Variants in DLG1 observed in about 807,000 individuals in gnomAD.
The protein encoded by DLG1 is disks large homolog 1.
DLG1 carries 42 observed loss-of-function variants against 123.4 expected under a neutral mutation model. That is an observed-to-expected ratio of 0.34 (90% CI 0.27 to 0.44). The LOEUF is 0.44. Ranked by LOEUF, DLG1 falls within the 20% of genes least tolerant of loss-of-function variation. The pLI is 1.00. For missense variants in DLG1, 942 were observed against 1,082.6 expected (o/e 0.87, Z 1.82); for synonymous variants, 317 against 356.2 (o/e 0.89, Z 1.24).
Position 197,156,767 on chromosome 3 carries a change from C to T in DLG1, c.484-6971G>A, listed in dbSNP as rs1039159222. Reference sequence around the variant, plus strand: ...GGAATGTAACAATTACAAAAATTAACGCACCTAATAGCAGACCATCAAAAT... The same window carrying T: ...GGAATGTAACAATTACAAAAATTAATGCACCTAATAGCAGACCATCAAAAT... On this transcript the variant is annotated intron_variant, in intron 5 of 24. Transcript: ENST00000667157. Among the ~76,000 whole-genome samples the T allele has an allele frequency of 3.9e-5, 6 of 152,064 alleles. No homozygotes were observed. The South Asian group carries it at 6.2e-4, about 16-fold the overall frequency.
intron 4 of DLG1, among the ~76,000 whole-genome samples, chr3:197,242,557 A>G (rs567521982): frequency 7.8e-6 from 1 of 127,682 alleles, no homozygotes; most frequent in Non-Finnish European, 1.7e-5. Context: ...CTGAACAAAT[A>G]AAAAAAAAAA....
At chr3:197,126,485 T>C (rs796305476) in intron 11 of DLG1, among the ~76,000 whole-genome samples, 32 of 151,108 alleles carry the variant, frequency 2.1e-4, no homozygotes, top group African/African-American at 7.3e-4. Context: ...AAAAACAACA[T>C]AATCATAATC....
intron 15 of DLG1, among the ~76,000 whole-genome samples, chr3:197,088,698 CA>C (rs746120042): frequency 3.9e-5 from 6 of 152,210 alleles, no homozygotes; most frequent in Non-Finnish European, 2.9e-5. Context: ...CCTGAACTAT[CA>C]GACCGTATGT....
chr3:197,126,949 A>C (rs1779418803), intron 11 of DLG1, among the ~76,000 whole-genome samples: 1 of 152,170 alleles, frequency 6.6e-6, no homozygotes, highest in Non-Finnish European at 1.5e-5. Flanking sequence ...AAAATTCTAC[A>C]ATTTAAAAAA....
At chr3:197,087,784 T>C (rs1755287921) in intron 15 of DLG1, among the ~76,000 whole-genome samples, 1 of 152,176 alleles carries the variant, frequency 6.6e-6, no homozygotes, top group Admixed American at 6.5e-5. Context: ...TGTACAGTAG[T>C]ACCAAGGTAG....
At chr3:197,085,450 C>T in intron 16 of DLG1, 130 bp downstream of exon 16, 2 of 897,850 alleles carry the variant, frequency 2.2e-6, no homozygotes, top group Admixed American at 4.5e-5. Context: ...TTTTGTCTTT[C>T]TGTGTCTGGC....
chr3:197,073,701 G>C (rs891871806), intron 18 of DLG1, among the ~76,000 whole-genome samples: 2 of 152,098 alleles, frequency 1.3e-5, no homozygotes, highest in African/African-American at 4.8e-5. Flanking sequence ...AATGAATTCA[G>C]GTCTACACAA....
intron 1 of DLG1, chr3:197,298,209 G>A: frequency 1.0e-5 from 3 of 299,408 alleles, no homozygotes; most frequent in East Asian, 5.4e-5. Context: ...GGCTCGCGCC[G>A]AGCCCCGGGC....
At chr3:197,062,569 T>C (rs1341102331) in intron 22 of DLG1, among the ~76,000 whole-genome samples, 2 of 152,228 alleles carry the variant, frequency 1.3e-5, no homozygotes, top group African/African-American at 4.8e-5. Context: ...TTTGCCTTTT[T>C]ACACATCTTC....
intron 4 of DLG1, among the ~76,000 whole-genome samples, chr3:197,225,151 G>A (rs148190670): frequency 0.01 from 1,552 of 152,260 alleles, 27 homozygotes; most frequent in South Asian, 0.019. Context: ...GTAGAGACGG[G>A]GTTTCACCGT....
chr3:197,125,791 C>G (rs1246364721), intron 11 of DLG1, among the ~76,000 whole-genome samples: 1 of 152,136 alleles, frequency 6.6e-6, no homozygotes, highest in Non-Finnish European at 1.5e-5. Flanking sequence ...CCAGGAATGA[C>G]AGCATGAGTA....
intron 5 of DLG1, among the ~76,000 whole-genome samples, chr3:197,160,368 T>A (rs1308913651): frequency 2.8e-5 from 4 of 141,780 alleles, no homozygotes; most frequent in African/African-American, 2.6e-5. Flanking sequence ...TCAATTCTAT[T>A]AAAAAAAAAA....
intron 14 of DLG1, among the ~76,000 whole-genome samples, chr3:197,102,487 T>C (rs1229698533): frequency 6.6e-6 from 1 of 152,222 alleles, no homozygotes; most frequent in Non-Finnish European, 1.5e-5. Context: ...TGTGTTAATG[T>C]TTTTGTGTTG....
chr3:197,283,800 C>G (rs1327612442), intron 3 of DLG1, among the ~76,000 whole-genome samples: 1 of 151,280 alleles, frequency 6.6e-6, no homozygotes, highest in East Asian at 1.9e-4. Flanking sequence ...AAGCATTAGT[C>G]CTTTTAAAAA....
chr3:197,068,561 A>C (rs1353588113), intron 19 of DLG1: 1 of 1,526,090 alleles, frequency 6.6e-7, no homozygotes, highest in Admixed American at 1.8e-5. Context: ...CAGCAGTAAA[A>C]AAAGAAAGTT....
chr3:197,122,095 C>G (rs115751686), intron 11 of DLG1, among the ~76,000 whole-genome samples: 206 of 151,930 alleles, frequency 1.4e-3, no homozygotes, highest in Admixed American at 2.9e-3. Context: ...TAAACCTAAA[C>G]AAAATATAAG....
intron 10 of DLG1, 101 bp downstream of exon 10, chr3:197,136,441 A>G (rs1785086139): frequency 3.3e-6 from 3 of 901,256 alleles, no homozygotes; most frequent in Non-Finnish European, 5.0e-6. Context: ...GCTAATTTAA[A>G]CATCATTTAG....
intron 14 of DLG1, among the ~76,000 whole-genome samples, chr3:197,102,780 C>T (rs1377586426): frequency 1.3e-5 from 2 of 152,156 alleles, no homozygotes; most frequent in Non-Finnish European, 2.9e-5. Context: ...GAGGCTTGAA[C>T]CTGGGAGGCG....
intron 3 of DLG1, among the ~76,000 whole-genome samples, chr3:197,294,574 C>T (rs915857075): frequency 6.7e-6 from 1 of 148,192 alleles, no homozygotes; most frequent in Non-Finnish European, 1.5e-5. Flanking sequence ...AGGAGAATGG[C>T]GTGAACCTGG....
Sources: gnomAD v4.1 joint callset for allele counts (sites outside exome capture counted in the v4.1 genomes callset) on GRCh38, gnomAD v4.1.1 for gene constraint, MANE v1.5 for transcripts, NCBI Gene and HGNC (gene_info 2026-07-23, HGNC 2026-07-21) for gene names.